SEMA6A: variants seen among roughly 807,000 people sequenced by gnomAD.
The protein encoded by SEMA6A is semaphorin 6A.
SEMA6A carries 25 observed loss-of-function variants against 96.8 expected under a neutral mutation model. That is an observed-to-expected ratio of 0.26 (90% CI 0.19 to 0.36). The LOEUF is 0.36. SEMA6A is among the 10% of genes least tolerant of loss of function. SEMA6A has a pLI of 1.00. For missense variants in SEMA6A, 1,363 were observed against 1,323.1 expected (o/e 1.03, Z -0.47); for synonymous variants, 612 against 518.0 (o/e 1.18, Z -2.46).
chr5:116,453,691 C>T (rs1754795820), intron 18 of SEMA6A, among the ~76,000 whole-genome samples: 1 of 152,142 alleles, frequency 6.6e-6, no homozygotes, highest in Non-Finnish European at 1.5e-5. Flanking sequence ...TTGCTCTGTT[C>T]CACATTGAAT....
intron 1 of SEMA6A, among the ~76,000 whole-genome samples, chr5:116,524,577 A>G (rs1461908859): frequency 6.6e-6 from 1 of 152,098 alleles, no homozygotes; most frequent in Non-Finnish European, 1.5e-5. Flanking sequence ...AAACACATAA[A>G]TATCAAGAGG....
At position 116,478,716 on chromosome 5, in the gene SEMA6A, T is replaced by G. The variant is rs1477706817; in HGVS notation, c.1253A>C (p.Tyr418Ser). Residue 418 changes from tyrosine to serine, a missense_variant and splice_region_variant, in exon 13 of 19, where the codon TAC becomes TCC. Coordinates refer to ENST00000343348, the MANE Select transcript of SEMA6A (RefSeq NM_020796.5). ...GTCCACTGCAATTTTGGTAAGGCGGTATCTAAAATGACAGGACCACATTTC... is the reference window on the plus strand; with the variant it reads ...GTCCACTGCAATTTTGGTAAGGCGGGATCTAAAATGACAGGACCACATTTC... ...RPWFLRTMVR[Y>S]RLTKIAVDTA... 2.5e-6 allele frequency: 4 copies of G among 1,611,820 alleles called. No individual in the cohort carries two copies. Among genetic ancestry groups the G allele is most frequent in the Non-Finnish European group, 8.5e-7 (1 of 1,179,218 alleles).
chr5:116,571,304 T>C (rs1371066127), intron 1 of SEMA6A, among the ~76,000 whole-genome samples: 1 of 152,220 alleles, frequency 6.6e-6, no homozygotes, highest in Non-Finnish European at 1.5e-5. Context: ...TCAGAAATGA[T>C]TTTCGGTATC....
chr5:116,482,345 G>A (rs1561486911), intron 11 of SEMA6A, 99 bp downstream of exon 11: 14 of 1,303,500 alleles, frequency 1.1e-5, no homozygotes, highest in Non-Finnish European at 1.5e-5. Context: ...TGGCTGGCAT[G>A]GAAGGCACTG....
chr5:116,448,275 G>T (rs1370350663), intron 18 of SEMA6A, among the ~76,000 whole-genome samples: 1 of 151,960 alleles, frequency 6.6e-6, no homozygotes, highest in Non-Finnish European at 1.5e-5. Context: ...AACCTGGGAG[G>T]TGGAGGTTGC....
chr5:116,516,646 G>A (rs905892715), intron 1 of SEMA6A, among the ~76,000 whole-genome samples: 18 of 152,150 alleles, frequency 1.2e-4, no homozygotes, highest in Admixed American at 1.3e-4. Flanking sequence ...GAGAGAAGAC[G>A]ATTCACTAGG....
rs142780194 is a variant in SEMA6A, at chr5:116,484,633, AAAT to A, written c.963-2061_963-2059del. Reference sequence around the variant, plus strand: ...GCGAGACTCCGTCTCAGGAAAAAAAAAATAATAATAATAATAACAAAAATCATA... The same window carrying A: ...GCGAGACTCCGTCTCAGGAAAAAAAAAATAATAATAATAACAAAAATCATA... On this transcript the variant is annotated intron_variant, in intron 10 of 18. Transcript: ENST00000343348. 2.2e-4 allele frequency among the ~76,000 whole-genome samples: 34 copies of A among 151,358 alleles called. No homozygotes were observed. In the East Asian group the frequency reaches 3.9e-3, roughly 17 times the overall value.
intron 1 of SEMA6A, among the ~76,000 whole-genome samples, chr5:116,546,400 C>G (rs917263806): frequency 1.3e-5 from 2 of 152,186 alleles, no homozygotes. Flanking sequence ...CCTTCTTTTC[C>G]TAGGATAACC....
intron 18 of SEMA6A, among the ~76,000 whole-genome samples, chr5:116,456,917 A>C (rs1170335134): frequency 1.3e-5 from 2 of 152,130 alleles, no homozygotes; most frequent in Admixed American, 6.5e-5. Flanking sequence ...TCATCTCTGC[A>C]TGACTAGACG....
chr5:116,563,950 C>A (rs893786024), intron 1 of SEMA6A, among the ~76,000 whole-genome samples: 3 of 152,110 alleles, frequency 2.0e-5, no homozygotes, highest in Non-Finnish European at 2.9e-5. Flanking sequence ...TAATTGAAGC[C>A]TCTGGGTGAG....
intron 18 of SEMA6A, among the ~76,000 whole-genome samples, chr5:116,460,063 T>A (rs943230422): frequency 1.2e-4 from 17 of 145,822 alleles, no homozygotes; most frequent in African/African-American, 4.7e-4. Context: ...GATAAAAAAA[T>A]AAAAATAAAA....
At chr5:116,557,309 T>G (rs772955200) in intron 1 of SEMA6A, among the ~76,000 whole-genome samples, 6 of 152,234 alleles carry the variant, frequency 3.9e-5, no homozygotes, top group Non-Finnish European at 7.4e-5. Context: ...CCTCCTGGGC[T>G]CAAGCGATTC....
rs993515909 is a variant in SEMA6A, at chr5:116,459,738, C to A, written c.1894+7845G>T. Among the ~76,000 whole-genome samples the A allele has an allele frequency of 5.3e-5, 8 of 152,160 alleles. No homozygotes were observed. The South Asian group carries it at 1.2e-3, about 24-fold the overall frequency. ...GACTCCCTTAGTACTCTCCCTCCCCCTCTTTCCTTGACTTCCCTTACTGTC... is the reference window on the plus strand; with the variant it reads ...GACTCCCTTAGTACTCTCCCTCCCCATCTTTCCTTGACTTCCCTTACTGTC... On this transcript the variant is annotated intron_variant, in intron 18 of 18. Coordinates refer to ENST00000343348, the MANE Select transcript of SEMA6A (RefSeq NM_020796.5).
chr5:116,524,775 C>CACACACACACACACACACACACACAG (rs1554090329), intron 1 of SEMA6A, among the ~76,000 whole-genome samples: 1 of 145,682 alleles, frequency 6.9e-6, no homozygotes, highest in Non-Finnish European at 1.5e-5. Context: ...TATGTATACA[C>CACACACACACACACACACACACACAG]ACACACACAC....
intron 1 of SEMA6A, among the ~76,000 whole-genome samples, chr5:116,506,633 A>T (rs1021378163): frequency 6.6e-6 from 1 of 152,028 alleles, no homozygotes; most frequent in Non-Finnish European, 1.5e-5. Flanking sequence ...AGTAAAACAT[A>T]AACAAGACAC....
intron 1 of SEMA6A, among the ~76,000 whole-genome samples, chr5:116,555,085 C>G (rs960877274): frequency 6.6e-6 from 1 of 152,154 alleles, no homozygotes; most frequent in Non-Finnish European, 1.5e-5. Flanking sequence ...GAAGGAGGGG[C>G]CCCAGTTCCC....
chr5:116,556,647 T>G (rs538900291), intron 1 of SEMA6A, among the ~76,000 whole-genome samples: 36 of 152,214 alleles, frequency 2.4e-4, no homozygotes, highest in African/African-American at 8.7e-4. Flanking sequence ...CCCATACTTT[T>G]AACTACTCTA....
At chr5:116,568,497 T>C (rs779517659) in intron 1 of SEMA6A, among the ~76,000 whole-genome samples, 4 of 152,166 alleles carry the variant, frequency 2.6e-5, no homozygotes, top group Non-Finnish European at 5.9e-5. Context: ...TTAAAACTAC[T>C]ATTAGCAAAC....
chr5:116,454,178 C>T (rs568639679), intron 18 of SEMA6A, among the ~76,000 whole-genome samples: 1 of 152,270 alleles, frequency 6.6e-6, no homozygotes, highest in East Asian at 1.9e-4. Flanking sequence ...TCTCTGTGTC[C>T]TTTAGAGAAA....
Sources: gnomAD v4.1 joint callset for allele counts (sites outside exome capture counted in the v4.1 genomes callset) on GRCh38, gnomAD v4.1.1 for gene constraint, MANE v1.5 for transcripts, NCBI Gene and HGNC (gene_info 2026-07-23, HGNC 2026-07-21) for gene names.